Variants in ZNF304 observed in about 807,000 individuals in gnomAD.
The protein encoded by ZNF304 is zinc finger protein 304.
In ZNF304, 7 loss-of-function variants were observed where a neutral mutation model predicts 7.8. The ratio of observed to expected loss-of-function variants is 0.90; its 90% CI spans 0.51 to 1.69. ZNF304 has a LOEUF of 1.69. Among genes scored for constraint, ZNF304 ranks in the 40% most tolerant of loss-of-function variants. ZNF304 has a pLI of 0.00. For synonymous variants in ZNF304, 280 were observed against 272.4 expected, an observed-to-expected ratio of 1.03 and a Z score of -0.27; for missense variants, 669 against 804.8, an observed-to-expected ratio of 0.83 and a Z score of 2.04.
intron 2 of ZNF304, among the ~76,000 whole-genome samples, chr19:57,355,665 G>C (rs1250869115): frequency 6.6e-6 from 1 of 152,106 alleles, no homozygotes; most frequent in African/African-American, 2.4e-5. Context: ...TAAATAGTCC[G>C]TGAGAATGAG....
chr19:57,352,940 T>G (rs2088293538), intron 1 of ZNF304, among the ~76,000 whole-genome samples: 1 of 152,042 alleles, frequency 6.6e-6, no homozygotes, highest in Non-Finnish European at 1.5e-5. Flanking sequence ...GAGTTAGGCT[T>G]TGGTCATGTT....
At chr19:57,353,626 C>T (rs1436864351) in intron 1 of ZNF304, 99 bp from the exon 2 acceptor site, 26 of 1,453,486 alleles carry the variant, frequency 1.8e-5, no homozygotes, top group African/African-American at 7.1e-5. Flanking sequence ...GCTGGGGAGG[C>T]GAGGGACTAG....
In ZNF304 at chr19:57,353,796, G is replaced by A. The variant is rs750538640; in HGVS notation, c.105G>A (p.Gln35=). The change falls in exon 2 of 3, where the codon CAG becomes CAA. Residue 35 remains glutamine (Q), a synonymous_variant. Transcript: ENST00000282286. ...REEWELLEEA[Q]RFLYRDVMLE... ...AGTGGGAACTCCTTGAGGAGGCACA[G>A]AGATTCCTGTACCGTGATGTGATGC... is the stretch of plus-strand genomic sequence containing the variant. The A allele has an allele frequency of 1.2e-6, 2 of 1,613,814 alleles. No individual in the cohort carries two copies. Among genetic ancestry groups the A allele is most frequent in the Admixed American group, 3.3e-5 (2 of 59,970 alleles).
At chr19:57,355,767 C>G (rs1259540729) in intron 2 of ZNF304, among the ~76,000 whole-genome samples, 1 of 152,248 alleles carries the variant, frequency 6.6e-6, no homozygotes, top group Non-Finnish European at 1.5e-5. Context: ...TGCTGAAACT[C>G]TCTTGCAGAG....
intron 2 of ZNF304, 150 bp downstream of exon 2, chr19:57,354,001 TTTTTTTG>T (rs1019133400): frequency 3.6e-5 from 24 of 675,496 alleles, no homozygotes; most frequent in African/African-American, 1.3e-4. Context: ...TTGAGGGTTT[TTTTTTTG>T]TTTTTTGTTT....
Position 57,359,888 on chromosome 19 carries a change from T to C in ZNF304, c.*2039T>C, listed in dbSNP as rs1238790822. On this transcript the variant is annotated 3_prime_UTR_variant, in exon 3 of 3. Transcript: ENST00000282286. Reference sequence around the variant, plus strand: ...CTATTACAAATAAACCTCTGAAGATTTGTGTGCAAATTATGGCTGAATGAT... The same window carrying C: ...CTATTACAAATAAACCTCTGAAGATCTGTGTGCAAATTATGGCTGAATGAT... 1 of 152,222 alleles carries C rather than the reference T, an allele frequency of 6.6e-6. No individual in the cohort carries two copies. Among genetic ancestry groups the C allele is most frequent in the South Asian group, 2.1e-4 (1 of 4,834 alleles). The allele number at this position is 152,222 out of a possible 1,614,324, so 9.4% of individuals were successfully genotyped here.
At position 57,356,468 on chromosome 19, in the gene ZNF304, G is replaced by A. The variant is rs2088341804; in HGVS notation, c.599G>A (p.Cys200Tyr). The change falls in exon 3 of 3, where the codon TGC becomes TAC. Residue 200 changes from cysteine to tyrosine, a missense_variant. Physicochemically the swap from Cys to Tyr is radical, Grantham distance 194. Coordinates refer to ENST00000282286, the MANE Select transcript of ZNF304 (RefSeq NM_020657.4). Reference protein sequence around the residue: ...NRVSPCRRTECMESFPHSSSL... With the variant: ...NRVSPCRRTEYMESFPHSSSL... ...GTGAGTCCATGCAGAAGGACTGAAT[G>A]CATGGAGTCTTTCCCACACAGCTCC... The A allele has an allele frequency of 1.2e-6, 2 of 1,614,176 alleles. No homozygotes were observed. The highest frequency in any genetic ancestry group is 1.6e-4 in the Middle Eastern group (1 of 6,062).
chr19:57,352,026 G>A, intron 1 of ZNF304: 1 of 325,214 alleles, frequency 3.1e-6, no homozygotes, highest in Non-Finnish European at 5.7e-6. Flanking sequence ...TGCAAGGTTT[G>A]GTACAGAGAA....
In ZNF304 at chr19:57,356,276, A is replaced by G. The variant is rs767007666; in HGVS notation, c.407A>G (p.Gln136Arg). 1.9e-6 allele frequency: 3 copies of G among 1,614,234 alleles called. No homozygotes were observed. The highest frequency in any genetic ancestry group is 1.7e-5 in the Admixed American group (1 of 60,030). The change falls in exon 3 of 3, where the codon CAG becomes CGG. Residue 136 changes from glutamine (Q) to arginine (R), a missense_variant. By Grantham distance (43) the Gln-to-Arg change is conservative. Coordinates refer to ENST00000282286, the MANE Select transcript of ZNF304 (RefSeq NM_020657.4). ...TTCAGTGCAAACTTTTACCAGCACC[A>G]GAAGCAACATAATGGAGAGAATTGC... is the stretch of plus-strand genomic sequence containing the variant. ...FSFSANFYQH[Q>R]KQHNGENCFR...
rs775523003 is a variant in ZNF304 at position 57,356,048 on chromosome 19, A to G, written c.179A>G (p.Glu60Gly). Residue 60 changes from glutamate to glycine, a missense_variant, in exon 3 of 3, where the codon GAA (glutamate) becomes GGA (glycine). Transcript: ENST00000282286. ...VATLGFWCEA[E>G]HEAPSEQSVS... ...CTTTCAGGTTTTTGGTGTGAAGCAG[A>G]ACATGAGGCACCTTCTGAGCAGAGC... 6.2e-7 allele frequency: 1 copy of G among 1,607,948 alleles called. No homozygotes were observed. Among genetic ancestry groups the G allele is most frequent in the Non-Finnish European group, 8.5e-7 (1 of 1,175,788 alleles).
chr19:57,356,852 T>G lies in ZNF304; in HGVS notation c.983T>G (p.Val328Gly). The G allele has an allele frequency of 6.2e-7, 1 of 1,613,832 alleles. No homozygotes were observed. The highest frequency in any genetic ancestry group is 8.5e-7 in the Non-Finnish European group (1 of 1,179,962). The change falls in exon 3 of 3, where the codon GTT (valine) becomes GGT (glycine). Residue 328 changes from valine to glycine, a missense_variant. Val to Gly is a moderately radical substitution (Grantham distance 109, BLOSUM62 -3). Transcript: ENST00000282286. ...GACACACTTGTTCAGCATCAGAGAG[T>G]TCACACTGGAGAAAGATCTTATGAC... ...RKDTLVQHQRVHTGERSYDCS... is the reference protein window; with the variant it reads ...RKDTLVQHQRGHTGERSYDCS...
chr19:57,353,129 T>C (rs2088295594), intron 1 of ZNF304, among the ~76,000 whole-genome samples: 1 of 152,172 alleles, frequency 6.6e-6, no homozygotes, highest in Non-Finnish European at 1.5e-5. Flanking sequence ...AAGTTGAAAC[T>C]GGACACTGAG....
chr19:57,355,429 G>A (rs1568518412), intron 2 of ZNF304: 1 of 742,096 alleles, frequency 1.3e-6, no homozygotes, highest in Non-Finnish European at 2.5e-6. Context: ...TTATGGTTGG[G>A]TTCAAATCGA....
chr19:57,355,340 C>A, intron 2 of ZNF304: 1 of 765,348 alleles, frequency 1.3e-6, no homozygotes, highest in South Asian at 1.3e-5. Flanking sequence ...CCTGACAGGG[C>A]AGACATCACT....
chr19:57,353,081 T>C (rs140906182), intron 1 of ZNF304, among the ~76,000 whole-genome samples: 3 of 152,226 alleles, frequency 2.0e-5, no homozygotes, highest in African/African-American at 7.2e-5. Flanking sequence ...GGATGGGGTA[T>C]CTTCAAATCA....
chr19:57,356,367 C>T lies in ZNF304; in HGVS notation c.498C>T (p.Ser166=), dbSNP rs755148887. 9 of 1,614,180 alleles carry T rather than the reference C, an allele frequency of 5.6e-6. No individual in the cohort carries two copies. Among genetic ancestry groups the T allele is most frequent in the Non-Finnish European group, 8.5e-7 (1 of 1,180,028 alleles). The change falls in exon 3 of 3, where the codon TCC becomes TCT. Residue 166 remains serine, a synonymous_variant. Transcript: ENST00000282286. Reference sequence around the variant, plus strand: ...GTACAGTCCACATGTTAGGGAGATCCTTTACGTGCAGGGAGGAAGGGATGG... The same window carrying T: ...GTACAGTCCACATGTTAGGGAGATCTTTTACGTGCAGGGAGGAAGGGATGG... ...KSCTVHMLGR[S]FTCREEGMDL... is the part of the protein sequence containing the mutation.
Position 57,352,008 on chromosome 19 carries a change from G to A in ZNF304, c.33+311G>A, listed in dbSNP as rs2088281342. On this transcript the variant is annotated intron_variant, in intron 1 of 2. Transcript: ENST00000282286. ...GCTGGTCCTCTCTTCTGAGGGTGCTGGGAGTCATGCAAGGTTTGGTACAGA... is the reference window on the plus strand; with the variant it reads ...GCTGGTCCTCTCTTCTGAGGGTGCTAGGAGTCATGCAAGGTTTGGTACAGA... 2.1e-5 allele frequency: 8 copies of A among 374,468 alleles called. 1 individual carries two copies. In the East Asian group the frequency reaches 3.6e-4, roughly 17 times the overall value. 23.2% of individuals were successfully genotyped at this position (374,468 alleles called of 1,614,324 possible). A position where few individuals can be genotyped will look rare whatever the true frequency, so the allele number is the denominator to read the frequency against.
rs538506575 is a variant in ZNF304 at position 57,358,033 on chromosome 19, T to C, written c.*184T>C. ...GGAGATTCCTGATAAGCACCACATA[T>C]GTGGGAGGCTTTCATGAGGTGTGTT... On this transcript the variant is annotated 3_prime_UTR_variant, in exon 3 of 3. Coordinates refer to ENST00000282286, the MANE Select transcript of ZNF304 (RefSeq NM_020657.4). 4 of 696,404 alleles carry C rather than the reference T, an allele frequency of 5.7e-6. No individual in the cohort carries two copies. The highest frequency in any genetic ancestry group is 5.4e-5 in the African/African-American group (3 of 55,808). 43.1% of individuals were successfully genotyped at this position (696,404 alleles called of 1,614,324 possible).
At position 57,357,249 on chromosome 19, in the gene ZNF304, C is replaced by T. The variant is rs2088356763; in HGVS notation, c.1380C>T (p.Asp460=). 3 of 1,614,048 alleles carry T rather than the reference C, an allele frequency of 1.9e-6. No homozygotes were observed. The highest frequency in any genetic ancestry group is 1.3e-5 in the African/African-American group (1 of 74,916). Residue 460 remains aspartate, a synonymous_variant, in exon 3 of 3, where the codon GAC becomes GAT. Coordinates refer to ENST00000282286, the MANE Select transcript of ZNF304 (RefSeq NM_020657.4). ...GTGGGAAGGCCTTTGGCTGCAAAGACACACTTGTTCAGCACCAGATAATTC... is the reference window on the plus strand; with the variant it reads ...GTGGGAAGGCCTTTGGCTGCAAAGATACACTTGTTCAGCACCAGATAATTC... ...SKCGKAFGCK[D]TLVQHQIIHT...
Sources: gnomAD v4.1 joint callset for allele counts (sites outside exome capture counted in the v4.1 genomes callset) on GRCh38, gnomAD v4.1.1 for gene constraint, MANE v1.5 for transcripts, NCBI Gene and HGNC (gene_info 2026-07-23, HGNC 2026-07-21) for gene names.